SCAF11: variants seen among roughly 807,000 people sequenced by gnomAD.
The protein encoded by SCAF11 is SR-related CTD associated factor 11.
In SCAF11, 47 loss-of-function variants were observed where a neutral mutation model predicts 140.5. The observed-to-expected ratio is 0.33, with a 90% CI of 0.26 to 0.43. The LOEUF is 0.43. Ranked by LOEUF, SCAF11 falls within the 20% of genes least tolerant of loss-of-function variation. The pLI is 1.00. For missense variants in SCAF11, 1,645 were observed against 1,705.1 expected (o/e 0.96, Z 0.62); for synonymous variants, 557 against 579.4 (o/e 0.96, Z 0.55).
At chr12:45,951,975 T>C (rs140735876) in intron 3 of SCAF11, among the ~76,000 whole-genome samples, 6 of 152,306 alleles carry the variant, frequency 3.9e-5, no homozygotes, top group African/African-American at 1.4e-4. Context: ...TGCTGCCCGG[T>C]TGAGAACTAC....
intron 6 of SCAF11, among the ~76,000 whole-genome samples, chr12:45,942,715 C>T (rs753938467): frequency 2.6e-5 from 4 of 152,198 alleles, no homozygotes; most frequent in Non-Finnish European, 5.9e-5. Context: ...AAGGTCACTG[C>T]TCAAATATAT....
At chr12:45,956,897 T>C (rs1292195050) in intron 3 of SCAF11, among the ~76,000 whole-genome samples, 3 of 152,140 alleles carry the variant, frequency 2.0e-5, no homozygotes, top group East Asian at 1.9e-4. Flanking sequence ...GTGATGGGTG[T>C]TCACAATGCA....
intron 8 of SCAF11, 46 bp downstream of exon 8, chr12:45,934,130 A>T (rs774484075): frequency 4.1e-6 from 4 of 968,802 alleles, no homozygotes; most frequent in African/African-American, 3.4e-5. Context: ...AATAATTATT[A>T]AACATCAAGT....
At chr12:45,975,849 G>C (rs1476384836) in intron 1 of SCAF11, 1 of 152,102 alleles carries the variant, frequency 6.6e-6, no homozygotes, top group Non-Finnish European at 1.5e-5. Context: ...GGCGCTCTTC[G>C]TGGTGCCCCA....
chr12:45,969,530 C>T (rs903956431), intron 1 of SCAF11, among the ~76,000 whole-genome samples: 6 of 152,134 alleles, frequency 3.9e-5, no homozygotes, highest in African/African-American at 1.4e-4. Flanking sequence ...GATTCAAATC[C>T]TAACTCTACC....
In SCAF11 at chr12:45,948,424, G is replaced by C; in HGVS notation, c.398+13C>G. 8 of 1,556,754 alleles carry C rather than the reference G, an allele frequency of 5.1e-6. No individual in the cohort carries two copies. The highest frequency in any genetic ancestry group is 7.1e-6 in the Non-Finnish European group (8 of 1,133,312). ...CACTCATTTGCATTCCACTTCTAAA[G>C]TTAATCACTAACCTTATACAGCTTT... On this transcript the variant is annotated intron_variant, in intron 5 of 14. Transcript: ENST00000369367.
upstream of SCAF11, chr12:45,991,938 C>T (rs904885455): frequency 1.6e-5 from 20 of 1,288,832 alleles, no homozygotes; most frequent in Non-Finnish European, 1.9e-5. Context: ...GTCGCCTGCC[C>T]CCGTTCTGTT....
chr12:45,936,993 ACT>A (rs1034432595), intron 6 of SCAF11, among the ~76,000 whole-genome samples: 4 of 151,176 alleles, frequency 2.6e-5, no homozygotes, highest in African/African-American at 7.3e-5. Context: ...GTCTGTTTTT[ACT>A]CTCTCTCTTG....
At chr12:45,929,662 G>A (rs1944995148) in intron 10 of SCAF11, 1 of 152,200 alleles carries the variant, frequency 6.6e-6, no homozygotes, top group African/African-American at 2.4e-5. Flanking sequence ...AACTACAACA[G>A]AGTTTCTAGT....
chr12:45,964,138 AT>A lies in SCAF11; in HGVS notation c.29del (p.Asn10IlefsTer40). 1 of 1,540,210 alleles carries A rather than the reference AT, an allele frequency of 6.5e-7. No individual in the cohort carries two copies. Among genetic ancestry groups the A allele is most frequent in the Non-Finnish European group, 8.9e-7 (1 of 1,119,018 alleles). On this transcript the variant is annotated frameshift_variant, in exon 2 of 15. Coordinates refer to ENST00000369367, the MANE Select transcript of SCAF11 (RefSeq NM_004719.3). LOFTEE classifies it high-confidence loss of function. ...TGTCTTCATACTTCTTATCTCCCAT[AT>A]TTAGGGTACATACAGTTTTCTTCTT... is the stretch of plus-strand genomic sequence containing the variant. The part of the protein sequence containing the change: MKKKTVCTL[N>X]MGDKKYEDME...
chr12:45,977,829 G>C (rs1435807944), intron 1 of SCAF11, among the ~76,000 whole-genome samples: 1 of 152,056 alleles, frequency 6.6e-6, no homozygotes, highest in Non-Finnish European at 1.5e-5. Context: ...AGTTCTGAGA[G>C]ACAACAGATA....
intron 1 of SCAF11, among the ~76,000 whole-genome samples, chr12:45,965,599 C>T (rs1426672394): frequency 6.6e-6 from 1 of 152,186 alleles, no homozygotes; most frequent in Admixed American, 6.5e-5. Flanking sequence ...CAGGCATAAG[C>T]CACTGCACCT....
chr12:45,988,400 T>C (rs1048349868), intron 1 of SCAF11, among the ~76,000 whole-genome samples: 3 of 152,228 alleles, frequency 2.0e-5, no homozygotes, highest in African/African-American at 7.2e-5. Flanking sequence ...AAGATGTTAC[T>C]GATGATGAAT....
intron 14 of SCAF11, 130 bp downstream of exon 14, chr12:45,922,333 A>G (rs1055966320): frequency 1.6e-5 from 23 of 1,470,956 alleles, no homozygotes; most frequent in East Asian, 2.3e-5. Flanking sequence ...AAACTAATCA[A>G]AAGGCAAAAA....
At chr12:45,963,988 G>A in intron 2 of SCAF11, 119 bp downstream of exon 2, 1 of 610,840 alleles carries the variant, frequency 1.6e-6, no homozygotes, top group South Asian at 2.0e-5. Context: ...AGCTTATTTT[G>A]GAATTTAAGA....
rs544269339 is a variant in SCAF11 at position 45,950,866 on chromosome 12, T to C, written c.297+784A>G. On this transcript the variant is annotated intron_variant, in intron 4 of 14. Transcript: ENST00000369367. ...CCAAGTGGACAAAGACTAACAGTGC[T>C]ACCTAAAAACGGTTTGTTTCTCCTA... is the stretch of plus-strand genomic sequence containing the variant. 3.6e-4 allele frequency among the ~76,000 whole-genome samples: 55 copies of C among 152,286 alleles called. 2 individuals are homozygous for C. In the South Asian group the frequency reaches 0.011, roughly 30 times the overall value.
chr12:45,973,894 A>G (rs569261990), intron 1 of SCAF11, among the ~76,000 whole-genome samples: 1 of 152,352 alleles, frequency 6.6e-6, no homozygotes, highest in Middle Eastern at 3.4e-3. Context: ...AGATCAACAG[A>G]AACAGTAAAT....
In SCAF11 at chr12:45,951,725, T is replaced by C. The variant is rs1305142940; in HGVS notation, c.222A>G (p.Thr74=). ...CMTCILKWAE[T]LASCPIDRKP... ...TACGGTCAATAGGACATGAAGCCAG[T>C]GTCTGAAAAGTGATTAACAAATTAT... is the stretch of plus-strand genomic sequence containing the variant. The change falls in exon 4 of 15, where the codon ACA becomes ACG. Residue 74 remains threonine (T), a splice_region_variant and synonymous_variant. Transcript: ENST00000369367. 6.3e-7 allele frequency: 1 copy of C among 1,579,476 alleles called. No individual in the cohort carries two copies. The highest frequency in any genetic ancestry group is 1.2e-5 in the South Asian group (1 of 85,044).
chr12:45,945,786 G>A (rs1197789173), intron 5 of SCAF11, among the ~76,000 whole-genome samples: 1 of 151,946 alleles, frequency 6.6e-6, no homozygotes, highest in Non-Finnish European at 1.5e-5. Flanking sequence ...TCCCGCCTTG[G>A]CCTCCCTAAG....
Sources: gnomAD v4.1 joint callset for allele counts (sites outside exome capture counted in the v4.1 genomes callset) on GRCh38, gnomAD v4.1.1 for gene constraint, MANE v1.5 for transcripts, NCBI Gene and HGNC (gene_info 2026-07-23, HGNC 2026-07-21) for gene names.